The following FBXL17 variants were observed in gnomAD, a reference collection of about 807,000 sequenced individuals.
FBXL17 encodes the protein F-box and leucine rich repeat protein 17.
Under a neutral mutation model 66.2 loss-of-function variants are expected in FBXL17, and 22 were observed. The observed-to-expected ratio is 0.33, with a 90% CI of 0.24 to 0.47. The LOEUF (loss-of-function observed/expected upper bound fraction) is 0.47, where lower values mean the gene tolerates loss of function less well. Ranked by LOEUF, FBXL17 falls within the 20% of genes least tolerant of loss-of-function variation. The pLI, the probability that FBXL17 is intolerant of heterozygous loss-of-function variation, is 1.00. For synonymous variants in FBXL17, 474 were observed against 400.5 expected (o/e 1.18, Z -2.19); for missense variants, 878 against 948.2 (o/e 0.93, Z 0.97).
At chr5:108,128,081 A>G (rs114697324) in intron 6 of FBXL17, among the ~76,000 whole-genome samples, 2,037 of 152,104 alleles carry the variant, frequency 0.013, 23 homozygotes, top group Non-Finnish European at 0.019. Flanking sequence ...CCATGTCTCT[A>G]CTAAAAATAT....
chr5:108,267,575 T>C (rs1336068797), intron 4 of FBXL17, among the ~76,000 whole-genome samples: 1 of 152,076 alleles, frequency 6.6e-6, no homozygotes, highest in East Asian at 1.9e-4. Flanking sequence ...CAAAGCAAAT[T>C]ACTTCCCTCA....
chr5:107,895,409 T>C (rs749172932), intron 7 of FBXL17, among the ~76,000 whole-genome samples: 6 of 152,164 alleles, frequency 3.9e-5, no homozygotes, highest in Non-Finnish European at 5.9e-5. Flanking sequence ...CTTACCCTTC[T>C]TATGTATCTA....
At chr5:108,215,251 G>A (rs998894842) in intron 5 of FBXL17, among the ~76,000 whole-genome samples, 14 of 152,074 alleles carry the variant, frequency 9.2e-5, no homozygotes, top group African/African-American at 2.4e-4. Context: ...TGGATCATAT[G>A]GTAATTCTGT....
intron 6 of FBXL17, among the ~76,000 whole-genome samples, chr5:108,126,097 A>C (rs1265129963): frequency 6.6e-6 from 1 of 152,124 alleles, no homozygotes; most frequent in Non-Finnish European, 1.5e-5. Context: ...TAAGAGGTGC[A>C]GAGGCAAGTA....
At chr5:108,364,581 T>C (rs185672068) in intron 3 of FBXL17, among the ~76,000 whole-genome samples, 157 bp downstream of exon 3, 74 of 152,150 alleles carry the variant, frequency 4.9e-4, no homozygotes, top group Admixed American at 7.2e-4. Flanking sequence ...CATGGCACTC[T>C]AGTTAACTAA....
intron 5 of FBXL17, among the ~76,000 whole-genome samples, chr5:108,188,805 G>A (rs1753342215): frequency 6.6e-6 from 1 of 152,064 alleles, no homozygotes; most frequent in African/African-American, 2.4e-5. Flanking sequence ...TGCAAACATA[G>A]CGCCTGTTTC....
intron 7 of FBXL17, among the ~76,000 whole-genome samples, chr5:107,955,337 T>C (rs1241988789): frequency 2.0e-5 from 3 of 152,140 alleles, no homozygotes; most frequent in Non-Finnish European, 4.4e-5. Flanking sequence ...AGCATAAGTT[T>C]GAGATTTTTT....
chr5:108,030,082 T>A (rs1220272012), intron 6 of FBXL17, among the ~76,000 whole-genome samples: 3 of 152,164 alleles, frequency 2.0e-5, no homozygotes, highest in African/African-American at 7.2e-5. Context: ...TGAAGAGAAC[T>A]CTTAACAAAT....
rs1751278217 is a variant in FBXL17 at position 107,946,258 on chromosome 5, TATATATATATATA to T, written c.1823-65092_1823-65080del. 1.4e-3 allele frequency among the ~76,000 whole-genome samples: 30 copies of T among 21,992 alleles called. 1 individual carries two copies. Among genetic ancestry groups the T allele is most frequent in the Admixed American group, 4.3e-3 (10 of 2,314 alleles). 14.4% of individuals were successfully genotyped at this position (21,992 alleles called of 152,430 possible). On this transcript the variant is annotated intron_variant, in intron 7 of 8. Coordinates refer to ENST00000542267, the MANE Select transcript of FBXL17 (RefSeq NM_001163315.3). ...TATTACTTTTATCAATCTCATTTTA[TATATATATATATA>T]TATATATATATATATATATATATAT...
intron 5 of FBXL17, among the ~76,000 whole-genome samples, chr5:108,210,575 A>T (rs775590936): frequency 1.3e-5 from 2 of 152,208 alleles, no homozygotes; most frequent in African/African-American, 4.8e-5. Flanking sequence ...TTTACCCAGT[A>T]GTCATTCAGA....
intron 6 of FBXL17, among the ~76,000 whole-genome samples, chr5:108,078,849 T>A (rs191594430): frequency 3.9e-5 from 6 of 152,318 alleles, no homozygotes; most frequent in Non-Finnish European, 5.9e-5. Context: ...GGTTAGGTAA[T>A]CACTGTGTGA....
chr5:107,874,096 A>G, intron 8 of FBXL17, among the ~76,000 whole-genome samples: 1 of 152,204 alleles, frequency 6.6e-6, no homozygotes, highest in Middle Eastern at 3.2e-3. Context: ...CTCTCTGCTC[A>G]AAAGAAAGGA....
At chr5:107,899,610 C>T (rs1749500708) in intron 7 of FBXL17, among the ~76,000 whole-genome samples, 1 of 152,146 alleles carries the variant, frequency 6.6e-6, no homozygotes, top group Non-Finnish European at 1.5e-5. Context: ...GCACTCCAGT[C>T]CTCTTAAAAG....
chr5:108,235,453 T>C lies in FBXL17; in HGVS notation c.1507-11225A>G, dbSNP rs529078105. On this transcript the variant is annotated intron_variant, in intron 4 of 8. Transcript: ENST00000542267. ...TTGCCCATTTCTACTGCCCCCACCA[T>C]GGCCAAAGATATGTCATTCTTTTCC... Among the ~76,000 whole-genome samples the C allele has an allele frequency of 3.9e-5, 6 of 152,304 alleles. No homozygotes were observed. The South Asian group carries it at 1.2e-3, about 32-fold the overall frequency.
chr5:108,007,104 A>G (rs538243757), intron 7 of FBXL17, among the ~76,000 whole-genome samples: 1 of 152,324 alleles, frequency 6.6e-6, no homozygotes, highest in Admixed American at 6.5e-5. Flanking sequence ...TTAATTTAAA[A>G]TTTTAAGGTT....
chr5:107,972,009 T>A (rs1752391648), intron 7 of FBXL17, among the ~76,000 whole-genome samples: 1 of 152,230 alleles, frequency 6.6e-6, no homozygotes, highest in African/African-American at 2.4e-5. Context: ...TTTAGAGCCC[T>A]CTCTGAACAT....
At position 107,980,664 on chromosome 5, in the gene FBXL17, A is replaced by ATTTTTTTTTTTTTTTTTTTT. The variant is rs57472813; in HGVS notation, c.1822+40260_1822+40261insAAAAAAAAAAAAAAAAAAAA. Among the ~76,000 whole-genome samples, 15 of 62,074 alleles carry ATTTTTTTTTTTTTTTTTTTT rather than the reference A, an allele frequency of 2.4e-4. 1 individual carries two copies. The highest frequency in any genetic ancestry group is 1.3e-3 in the African/African-American group (13 of 9,752). 40.7% of individuals were successfully genotyped at this position (62,074 alleles called of 152,430 possible). The stretch of plus-strand genomic sequence containing the variant: ...TAAAATAATATATATATATATATAT[A>ATTTTTTTTTTTTTTTTTTTT]TTTTTTTTTTGAGATGGAGTCTTGC... On this transcript the variant is annotated intron_variant, in intron 7 of 8. Coordinates refer to ENST00000542267, the MANE Select transcript of FBXL17 (RefSeq NM_001163315.3).
intron 7 of FBXL17, among the ~76,000 whole-genome samples, chr5:107,972,723 C>T (rs891733084): frequency 2.0e-5 from 3 of 152,106 alleles, no homozygotes; most frequent in Admixed American, 2.0e-4. Context: ...GGCTAAGCAA[C>T]CAAACTCCTT....
At chr5:108,160,387 C>T (rs914646630) in intron 6 of FBXL17, among the ~76,000 whole-genome samples, 4 of 152,112 alleles carry the variant, frequency 2.6e-5, no homozygotes, top group African/African-American at 9.7e-5. Flanking sequence ...ACTAGACTGA[C>T]CTTTTCTCTA....
Sources: gnomAD v4.1 joint callset for allele counts (sites outside exome capture counted in the v4.1 genomes callset) on GRCh38, gnomAD v4.1.1 for gene constraint, MANE v1.5 for transcripts, NCBI Gene and HGNC (gene_info 2026-07-23, HGNC 2026-07-21) for gene names.